Variants in TFDP2 observed in about 807,000 individuals in gnomAD.
TFDP2 encodes the protein transcription factor Dp-2 (E2F dimerization partner 2).
Under a neutral mutation model 59.3 loss-of-function variants are expected in TFDP2, and 17 were observed. The ratio of observed to expected loss-of-function variants is 0.29; its 90% CI spans 0.20 to 0.43. TFDP2 has a LOEUF of 0.43. TFDP2 is among the 20% of genes least tolerant of loss of function. The pLI is 1.00. For missense variants in TFDP2, 391 were observed against 528.8 expected (o/e 0.74, Z 2.56); for synonymous variants, 180 against 194.7 (o/e 0.92, Z 0.63).
chr3:142,096,853 G>A (rs551491539), intron 2 of TFDP2, among the ~76,000 whole-genome samples: 63 of 152,268 alleles, frequency 4.1e-4, no homozygotes, highest in African/African-American at 7.2e-4. Context: ...ATGATAGAAC[G>A]TATGTGCAAG....
At chr3:142,002,117 C>G (rs963056662) in intron 4 of TFDP2, among the ~76,000 whole-genome samples, 3 of 151,684 alleles carry the variant, frequency 2.0e-5, no homozygotes, top group African/African-American at 7.3e-5. Context: ...GCCTCAGCCT[C>G]CCAAGTAGCT....
intron 9 of TFDP2, among the ~76,000 whole-genome samples, chr3:141,966,779 T>C (rs1351194039): frequency 6.6e-6 from 1 of 151,698 alleles, no homozygotes; most frequent in East Asian, 1.9e-4. Flanking sequence ...CACTCCATTC[T>C]TCTACATTAC....
rs114333941 is a variant in TFDP2 at position 141,957,006 on chromosome 3, A to C, written c.1051+2668T>G. Among the ~76,000 whole-genome samples, 440 of 150,088 alleles carry C rather than the reference A, an allele frequency of 2.9e-3. 6 individuals carry two copies. The highest frequency in any genetic ancestry group is 0.01 in the African/African-American group (419 of 40,878). ...TGTGAGGATGGCTATAATTCAAAAG[A>C]TGTATAGTGACAAGTGTAGAAAAGG... is the stretch of plus-strand genomic sequence containing the variant. On this transcript the variant is annotated intron_variant, in intron 11 of 12. Transcript: ENST00000489671.
chr3:142,046,208 A>G (rs1947341565), intron 3 of TFDP2, among the ~76,000 whole-genome samples: 1 of 152,148 alleles, frequency 6.6e-6, no homozygotes, highest in Non-Finnish European at 1.5e-5. Context: ...ATCTAATCCT[A>G]CATACTTTGA....
chr3:141,973,129 T>TC (rs1940088785), intron 8 of TFDP2, among the ~76,000 whole-genome samples: 1 of 121,406 alleles, frequency 8.2e-6, no homozygotes. Flanking sequence ...ATATATTTTT[T>TC]TTTTTTAAAG....
chr3:142,021,630 C>T (rs545893731), intron 3 of TFDP2, among the ~76,000 whole-genome samples: 2 of 152,288 alleles, frequency 1.3e-5, no homozygotes, highest in South Asian at 4.1e-4. Context: ...CTAGCTCCCT[C>T]CTTTTCTTGT....
chr3:141,991,211 C>A (rs907432330), intron 6 of TFDP2, among the ~76,000 whole-genome samples: 1 of 152,138 alleles, frequency 6.6e-6, no homozygotes. Flanking sequence ...CTAGAATCTA[C>A]AAACCATCTT....
chr3:142,026,227 C>T (rs941929535), intron 3 of TFDP2, among the ~76,000 whole-genome samples: 7 of 151,444 alleles, frequency 4.6e-5, no homozygotes, highest in South Asian at 2.1e-4. Context: ...TGGTGGTGGA[C>T]GCCTGTAGTC....
At chr3:142,017,637 G>C (rs4683660) in intron 3 of TFDP2, among the ~76,000 whole-genome samples, 10,443 of 136,246 alleles carry the variant, frequency 0.077, 468 homozygotes, top group Middle Eastern at 0.14. Flanking sequence ...ACTGCAACCT[G>C]TGCCTGCCGG....
intron 1 of TFDP2, among the ~76,000 whole-genome samples, chr3:142,105,265 T>G (rs1052671238): frequency 6.6e-6 from 1 of 152,218 alleles, no homozygotes; most frequent in South Asian, 2.1e-4. Flanking sequence ...CAAATACTAT[T>G]GCCTACCCAA....
intron 3 of TFDP2, among the ~76,000 whole-genome samples, chr3:142,017,548 C>CTTTTT (rs10535313): frequency 4.6e-5 from 4 of 87,212 alleles, no homozygotes; most frequent in Non-Finnish European, 6.6e-5. Flanking sequence ...CAAAAATATT[C>CTTTTT]TTTTTTTTTT....
intron 4 of TFDP2, among the ~76,000 whole-genome samples, chr3:142,000,945 T>C (rs987056985): frequency 2.6e-5 from 4 of 152,164 alleles, no homozygotes; most frequent in Admixed American, 6.5e-5. Flanking sequence ...CATGACTTTA[T>C]TGGGGGCAGC....
intron 3 of TFDP2, among the ~76,000 whole-genome samples, chr3:142,022,373 T>C (rs1394764180): frequency 2.0e-5 from 3 of 152,234 alleles, no homozygotes; most frequent in Non-Finnish European, 4.4e-5. Flanking sequence ...ACTGAACTTA[T>C]TTCTATTCTC....
rs1559983638 is a variant in TFDP2, at chr3:141,989,893, A to ATT, written c.356+3644_356+3645insAA. Among the ~76,000 whole-genome samples, 1,172 of 145,474 alleles carry ATT rather than the reference A, an allele frequency of 8.1e-3. 17 individuals are homozygous for ATT. The highest frequency in any genetic ancestry group is 0.026 in the African/African-American group (1,031 of 39,620). ...GATTTACTTTAATAATAATAATAAT[A>ATT]ATTATTATTATTATTATTGAGACAG... On this transcript the variant is annotated intron_variant, in intron 6 of 12. Transcript: ENST00000489671.
intron 1 of TFDP2, among the ~76,000 whole-genome samples, chr3:142,123,479 G>A (rs939501680): frequency 7.2e-5 from 11 of 151,898 alleles, no homozygotes; most frequent in African/African-American, 2.7e-4. Context: ...CATTGACCAG[G>A]CTGGTCTTGA....
At chr3:142,142,098 G>C (rs1014730444) in intron 1 of TFDP2, among the ~76,000 whole-genome samples, 1 of 152,126 alleles carries the variant, frequency 6.6e-6, no homozygotes, top group Middle Eastern at 3.2e-3. Context: ...GTCCTATCTA[G>C]AGCAATCAGA....
chr3:141,986,828 T>C (rs1253284949), intron 6 of TFDP2, among the ~76,000 whole-genome samples: 1 of 152,200 alleles, frequency 6.6e-6, no homozygotes, highest in Non-Finnish European at 1.5e-5. Flanking sequence ...TCCTTTTCAT[T>C]GTAGCCATTC....
chr3:142,097,014 C>T (rs2108632341), intron 2 of TFDP2, among the ~76,000 whole-genome samples: 1 of 152,332 alleles, frequency 6.6e-6, no homozygotes, highest in Admixed American at 6.5e-5. Context: ...AACCCTGACA[C>T]AGACCATATG....
chr3:142,040,086 T>A (rs1238480351), intron 3 of TFDP2, among the ~76,000 whole-genome samples: 1 of 143,002 alleles, frequency 7.0e-6, no homozygotes, highest in African/African-American at 2.6e-5. Flanking sequence ...GCCATTAAAC[T>A]AAAAATTATA....
Sources: allele counts gnomAD v4.1 joint callset (sites outside exome capture counted in the v4.1 genomes callset), GRCh38; gene constraint gnomAD v4.1.1; transcripts MANE v1.5; gene names NCBI Gene and HGNC (gene_info 2026-07-23, HGNC 2026-07-21).